CDYL2: variants seen among roughly 807,000 people sequenced by gnomAD.
CDYL2 encodes the protein chromodomain Y-like protein 2.
A neutral mutation model predicts 49.4 loss-of-function variants in CDYL2; 23 were observed. The observed-to-expected ratio is 0.47, with a 90% CI of 0.34 to 0.66. The LOEUF is 0.66. Among genes scored for constraint, CDYL2 ranks in the 30% least tolerant of loss-of-function variants. CDYL2 has a pLI of 0.01. For missense variants in CDYL2, 678 were observed against 656.4 expected (o/e 1.03, Z -0.36); for synonymous variants, 360 against 268.8 (o/e 1.34, Z -3.32).
intron 2 of CDYL2, among the ~76,000 whole-genome samples, chr16:80,659,190 C>T (rs1232554658): frequency 6.6e-6 from 1 of 152,066 alleles, no homozygotes; most frequent in East Asian, 1.9e-4. Flanking sequence ...CTAAATCTAA[C>T]CTTGAAGAAA....
intron 1 of CDYL2, among the ~76,000 whole-genome samples, chr16:80,769,993 G>T (rs565393787): frequency 6.6e-6 from 1 of 152,052 alleles, no homozygotes; most frequent in African/African-American, 2.4e-5. Context: ...GAAAGTGTCA[G>T]GTTTTACAAA....
intron 1 of CDYL2, among the ~76,000 whole-genome samples, chr16:80,795,654 A>C (rs957211847): frequency 6.6e-6 from 1 of 152,188 alleles, no homozygotes; most frequent in Non-Finnish European, 1.5e-5. Flanking sequence ...GGCTGACTCC[A>C]GACAAGGATA....
intron 1 of CDYL2, among the ~76,000 whole-genome samples, chr16:80,773,308 G>A (rs923216165): frequency 2.2e-4 from 33 of 151,926 alleles, no homozygotes; most frequent in African/African-American, 7.7e-4. Context: ...GTAAAAATTG[G>A]CAAAACTATA....
At chr16:80,791,480 T>C (rs1907606369) in intron 1 of CDYL2, among the ~76,000 whole-genome samples, 1 of 152,144 alleles carries the variant, frequency 6.6e-6, no homozygotes, top group Non-Finnish European at 1.5e-5. Context: ...AGATACTACA[T>C]ATTCAGCTGA....
At position 80,612,624 on chromosome 16, in the gene CDYL2, A is replaced by G; in HGVS notation, c.1218+2T>C. On this transcript the variant is annotated splice_donor_variant, in intron 5 of 6. Transcript: ENST00000570137. LOFTEE classifies it high-confidence loss of function. This position sits in a 1 kb window ranked among gnomAD's most constrained non-coding sequence, Gnocchi z 5.0. ...CGAATCCAGGTATCACAGGAGGCTT[A>G]CCAGCGCGACGCCCAGGATCTGGGG... is the stretch of plus-strand genomic sequence containing the variant. 6.2e-7 allele frequency: 1 copy of G among 1,601,776 alleles called. No individual in the cohort carries two copies. Among genetic ancestry groups the G allele is most frequent in the Non-Finnish European group, 8.5e-7 (1 of 1,173,928 alleles).
intron 2 of CDYL2, among the ~76,000 whole-genome samples, chr16:80,646,647 G>C (rs911204229): frequency 2.0e-5 from 3 of 152,058 alleles, no homozygotes; most frequent in Non-Finnish European, 4.4e-5. Context: ...AAATCAGCTG[G>C]GCAGAGTGGC....
intron 2 of CDYL2, among the ~76,000 whole-genome samples, chr16:80,666,442 T>G (rs1327103602): frequency 8.5e-5 from 13 of 152,098 alleles, no homozygotes; most frequent in Admixed American, 8.5e-4. Context: ...GCAGCCCAAA[T>G]GAGATGCACC....
chr16:80,706,743 G>C (rs539323314), intron 1 of CDYL2, among the ~76,000 whole-genome samples: 1 of 152,326 alleles, frequency 6.6e-6, no homozygotes, highest in African/African-American at 2.4e-5. Context: ...AAGAAACAAA[G>C]GAAGTAGAGG....
intron 2 of CDYL2, among the ~76,000 whole-genome samples, chr16:80,664,267 G>C (rs577378467): frequency 5.5e-4 from 83 of 152,226 alleles, no homozygotes; most frequent in African/African-American, 1.9e-3. Context: ...TCCACCCTCT[G>C]AGCCATTACT....
chr16:80,605,561 T>C (rs1482304493), intron 6 of CDYL2, among the ~76,000 whole-genome samples: 2 of 150,372 alleles, frequency 1.3e-5, no homozygotes, highest in East Asian at 3.9e-4. Context: ...CAATGAGCAA[T>C]AATCATAGTA....
intron 2 of CDYL2, among the ~76,000 whole-genome samples, chr16:80,669,708 T>C (rs1016025875): frequency 2.0e-5 from 3 of 152,146 alleles, no homozygotes; most frequent in African/African-American, 7.2e-5. Flanking sequence ...GTGCCCCCAC[T>C]GAAAGCAGAG....
At chr16:80,721,241 T>G (rs924090499) in intron 1 of CDYL2, among the ~76,000 whole-genome samples, 10 of 152,234 alleles carry the variant, frequency 6.6e-5, no homozygotes, top group Non-Finnish European at 2.9e-5. Flanking sequence ...GATATTTTAC[T>G]TGCAGTAATT....
chr16:80,725,665 T>A (rs1299402744), intron 1 of CDYL2, among the ~76,000 whole-genome samples: 1 of 152,206 alleles, frequency 6.6e-6, no homozygotes, highest in Non-Finnish European at 1.5e-5. Context: ...CACAAGAAAC[T>A]CTGTACGACT....
intron 3 of CDYL2, 115 bp from the exon 4 acceptor site, chr16:80,621,050 T>C: frequency 3.4e-6 from 4 of 1,186,290 alleles, no homozygotes; most frequent in Non-Finnish European, 3.4e-6. Context: ...CCAGGGAATC[T>C]GCTTCTGCCT....
At chr16:80,667,886 G>T (rs148840283) in intron 2 of CDYL2, among the ~76,000 whole-genome samples, 76 of 152,320 alleles carry the variant, frequency 5.0e-4, no homozygotes, top group African/African-American at 1.6e-3. Flanking sequence ...CACAGAGGCT[G>T]GGTCATTTGT....
intron 2 of CDYL2, among the ~76,000 whole-genome samples, chr16:80,676,945 T>A (rs952318193): frequency 6.6e-6 from 1 of 151,578 alleles, no homozygotes; most frequent in African/African-American, 2.4e-5. Flanking sequence ...GAGGACTTTT[T>A]AACAACCAAT....
chr16:80,738,377 T>A (rs1210555535), intron 1 of CDYL2, among the ~76,000 whole-genome samples: 1 of 151,770 alleles, frequency 6.6e-6, no homozygotes, highest in Non-Finnish European at 1.5e-5. Context: ...CTTGGGTATA[T>A]ACCCAGTAAT....
chr16:80,782,737 GA>G (rs571757241), intron 1 of CDYL2, among the ~76,000 whole-genome samples: 5 of 150,966 alleles, frequency 3.3e-5, no homozygotes, highest in Non-Finnish European at 7.4e-5. Flanking sequence ...TAGAATGATG[GA>G]AAAAAAACAC....
intron 1 of CDYL2, among the ~76,000 whole-genome samples, chr16:80,772,995 T>C (rs1440254556): frequency 3.9e-5 from 6 of 152,130 alleles, no homozygotes; most frequent in Non-Finnish European, 1.5e-5. Flanking sequence ...GGTCTAAATA[T>C]TCCAATTAAA....
Sources: allele counts gnomAD v4.1 joint callset (sites outside exome capture counted in the v4.1 genomes callset), GRCh38; gene constraint gnomAD v4.1.1; non-coding constraint Gnocchi (gnomAD v3.1); transcripts MANE v1.5; gene names NCBI Gene and HGNC (gene_info 2026-07-23, HGNC 2026-07-21).